The following DOCK3 variants were observed in gnomAD, a reference collection of about 807,000 sequenced individuals.
The protein encoded by DOCK3 is dedicator of cytokinesis protein 3.
In DOCK3, 60 loss-of-function variants were observed where a neutral mutation model predicts 265.6. That is an observed-to-expected ratio of 0.23 (90% confidence interval 0.18 to 0.28). The LOEUF is 0.28. Among genes scored for constraint, DOCK3 ranks in the 10% least tolerant of loss-of-function variants. The probability of loss-of-function intolerance (pLI) is 1.00; values close to 1 mark genes in which losing one functional copy is unlikely to be tolerated. For synonymous variants in DOCK3, 881 were observed against 938.0 expected, an observed-to-expected ratio of 0.94 and a Z score of 1.11; for missense variants, 1,981 against 2,594.3, an observed-to-expected ratio of 0.76 and a Z score of 5.14.
intron 2 of DOCK3, among the ~76,000 whole-genome samples, chr3:50,825,369 C>T (rs2044698429): frequency 6.6e-6 from 1 of 152,186 alleles, no homozygotes; most frequent in Admixed American, 6.5e-5. Flanking sequence ...GAGAACTAAC[C>T]TTGTTTACAC....
At chr3:51,125,623 T>C (rs2084231700) in intron 9 of DOCK3, among the ~76,000 whole-genome samples, 1 of 152,150 alleles carries the variant, frequency 6.6e-6, no homozygotes, top group African/African-American at 2.4e-5. Flanking sequence ...TTAATAAATA[T>C]AAATATGTAT....
intron 22 of DOCK3, among the ~76,000 whole-genome samples, chr3:51,256,310 G>T (rs1217348381): frequency 6.6e-6 from 1 of 152,188 alleles, no homozygotes; most frequent in Non-Finnish European, 1.5e-5. Context: ...TTACTCTGTT[G>T]CCCAGGCTGG....
At chr3:50,684,320 T>G (rs550972356) in intron 1 of DOCK3, among the ~76,000 whole-genome samples, 23 of 152,218 alleles carry the variant, frequency 1.5e-4, no homozygotes, top group Admixed American at 3.9e-4. Flanking sequence ...CAGGACCTAG[T>G]TCATGGTGAG....
intron 26 of DOCK3, among the ~76,000 whole-genome samples, chr3:51,279,481 T>C (rs1377437820): frequency 2.6e-5 from 4 of 152,238 alleles, no homozygotes; most frequent in African/African-American, 9.6e-5. Flanking sequence ...TTATTCCATG[T>C]ATTCCAATTG....
intron 5 of DOCK3, among the ~76,000 whole-genome samples, chr3:51,021,610 A>G (rs985713060): frequency 8.0e-5 from 12 of 150,496 alleles, no homozygotes; most frequent in African/African-American, 2.7e-4. Flanking sequence ...TCCTTCTAGA[A>G]CTTTGATTAG....
chr3:51,357,478 C>G (rs1361141513), intron 44 of DOCK3, among the ~76,000 whole-genome samples: 1 of 152,146 alleles, frequency 6.6e-6, no homozygotes, highest in Non-Finnish European at 1.5e-5. Context: ...GCCCCTACTC[C>G]CAGTCCACCA....
chr3:51,373,055 G>A (rs919434626), intron 49 of DOCK3, among the ~76,000 whole-genome samples: 9 of 152,212 alleles, frequency 5.9e-5, no homozygotes, highest in Non-Finnish European at 1.0e-4. Flanking sequence ...CAGACCAACT[G>A]TGGAAAAAGT....
At chr3:50,971,699 A>T (rs1048272026) in intron 5 of DOCK3, among the ~76,000 whole-genome samples, 3 of 149,800 alleles carry the variant, frequency 2.0e-5, no homozygotes, top group Non-Finnish European at 4.4e-5. Flanking sequence ...CAGATAAAGG[A>T]CTTTATTTAC....
chr3:51,091,594 A>G (rs2082639411), intron 9 of DOCK3, among the ~76,000 whole-genome samples: 1 of 151,658 alleles, frequency 6.6e-6, no homozygotes, highest in Admixed American at 6.6e-5. Context: ...GAGGCAGGAA[A>G]ATCGCTTCAA....
chr3:51,214,308 C>T, intron 14 of DOCK3, 61 bp downstream of exon 14: 1 of 1,594,154 alleles, frequency 6.3e-7, no homozygotes, highest in Non-Finnish European at 8.5e-7. Flanking sequence ...TGGTGCTCCC[C>T]TCCTGAGCAG....
At chr3:51,000,662 CT>C (rs11332345) in intron 5 of DOCK3, among the ~76,000 whole-genome samples, 128,977 of 151,624 alleles carry the variant, frequency 0.85, 55,169 homozygotes, top group East Asian at 0.94. Flanking sequence ...TTTCTTTTTT[CT>C]TTTTTTTTGA....
chr3:51,044,811 C>T (rs2080696790), intron 5 of DOCK3, among the ~76,000 whole-genome samples: 1 of 152,066 alleles, frequency 6.6e-6, no homozygotes, highest in South Asian at 2.1e-4. Flanking sequence ...CCTCATGAAC[C>T]AACCTCTTTT....
At chr3:50,962,246 C>A (rs182671010) in intron 5 of DOCK3, among the ~76,000 whole-genome samples, 4 of 152,110 alleles carry the variant, frequency 2.6e-5, no homozygotes, top group African/African-American at 7.2e-5. Context: ...AGATGAACCA[C>A]CTTTTTGCAA....
intron 4 of DOCK3, among the ~76,000 whole-genome samples, chr3:50,931,765 G>T (rs2051080583): frequency 6.6e-6 from 1 of 152,210 alleles, no homozygotes; most frequent in African/African-American, 2.4e-5. Flanking sequence ...AGTCTCTTGG[G>T]CAGTGTCTTA....
At chr3:51,019,674 A>G (rs1030386085) in intron 5 of DOCK3, among the ~76,000 whole-genome samples, 1 of 151,450 alleles carries the variant, frequency 6.6e-6, no homozygotes, top group African/African-American at 2.4e-5. Context: ...CAACCCCACC[A>G]TGCATCCATA....
rs191526467 is a variant in DOCK3, at chr3:51,272,354, G to A, written c.2548+1347G>A. Among the ~76,000 whole-genome samples, 191 of 148,724 alleles carry A rather than the reference G, an allele frequency of 1.3e-3. 1 individual carries two copies. Among genetic ancestry groups the A allele is most frequent in the East Asian group, 3.6e-3 (18 of 5,000 alleles). ...TCCAGTGGCATGATCTCAGCTCACC[G>A]CAGCCTCCGCCTCCCAGGTTGAAAT... On this transcript the variant is annotated intron_variant, in intron 24 of 52. Coordinates refer to ENST00000266037, the MANE Select transcript of DOCK3 (RefSeq NM_004947.5).
At chr3:51,156,755 G>T (rs560441159) in intron 10 of DOCK3, among the ~76,000 whole-genome samples, 8 of 152,190 alleles carry the variant, frequency 5.3e-5, no homozygotes, top group East Asian at 3.9e-4. Flanking sequence ...TATACTTAAG[G>T]CTTCTTTTAT....
At chr3:50,788,361 A>G (rs2042291630) in intron 2 of DOCK3, 1 of 240,292 alleles carries the variant, frequency 4.2e-6, no homozygotes, top group Non-Finnish European at 7.9e-6. Context: ...TATTAAGACT[A>G]AAATATTTTT....
At chr3:51,004,196 T>C (rs749717634) in intron 5 of DOCK3, among the ~76,000 whole-genome samples, 21 of 152,068 alleles carry the variant, frequency 1.4e-4, no homozygotes, top group Non-Finnish European at 2.1e-4. Flanking sequence ...TTTCTTTCTT[T>C]CTCTCTCTTT....
Sources: gnomAD v4.1 joint callset for allele counts (sites outside exome capture counted in the v4.1 genomes callset) on GRCh38, gnomAD v4.1.1 for gene constraint, MANE v1.5 for transcripts, NCBI Gene and HGNC (gene_info 2026-07-23, HGNC 2026-07-21) for gene names.